The following ZNF423 variants were observed in gnomAD, a reference collection of about 807,000 sequenced individuals.
The protein encoded by ZNF423 is Ebf-associated zinc finger protein.
In ZNF423, 12 loss-of-function variants were observed where a neutral mutation model predicts 95.8. That is an observed-to-expected ratio of 0.13 (90% CI 0.08 to 0.20). The LOEUF (loss-of-function observed/expected upper bound fraction) is 0.20, where lower values mean the gene tolerates loss of function less well. Among genes scored for constraint, ZNF423 ranks in the 10% least tolerant of loss-of-function variants. The pLI, the probability that ZNF423 is intolerant of heterozygous loss-of-function variation, is 1.00. For synonymous variants in ZNF423, 749 were observed against 711.9 expected (o/e 1.05, Z -0.83); for missense variants, 1,316 against 1,737.1 (o/e 0.76, Z 4.31).
chr16:49,748,026 T>G (rs969405684), intron 2 of ZNF423, among the ~76,000 whole-genome samples: 1 of 152,220 alleles, frequency 6.6e-6, no homozygotes, highest in Non-Finnish European at 1.5e-5. Flanking sequence ...GAGGATCACT[T>G]TAGCCCAGGA....
At chr16:49,696,671 C>T (rs1015530651) in intron 3 of ZNF423, among the ~76,000 whole-genome samples, 7 of 151,914 alleles carry the variant, frequency 4.6e-5, no homozygotes, top group African/African-American at 1.7e-4. Flanking sequence ...ACCTCCCCCT[C>T]ATTGTGCAGC....
At chr16:49,502,755 C>T (rs1278623534) in intron 7 of ZNF423, among the ~76,000 whole-genome samples, 1 of 151,732 alleles carries the variant, frequency 6.6e-6, no homozygotes, top group Non-Finnish European at 1.5e-5. Flanking sequence ...TGTGCACACA[C>T]CACTCTATAT....
chr16:49,618,950 C>T (rs963465263), intron 5 of ZNF423, among the ~76,000 whole-genome samples: 1 of 152,172 alleles, frequency 6.6e-6, no homozygotes, highest in Non-Finnish European at 1.5e-5. Context: ...TACCTCATCC[C>T]CTTTGCTGTG....
chr16:49,761,334 G>T (rs973541682), intron 2 of ZNF423, among the ~76,000 whole-genome samples: 1 of 152,206 alleles, frequency 6.6e-6, no homozygotes, highest in African/African-American at 2.4e-5. Flanking sequence ...ACAGAGGAAA[G>T]CAAACCTGGC....
intron 5 of ZNF423, among the ~76,000 whole-genome samples, chr16:49,567,353 G>A (rs1026801544): frequency 1.3e-5 from 2 of 152,218 alleles, no homozygotes; most frequent in African/African-American, 4.8e-5. Context: ...ATACAAAGCT[G>A]CCACTGCGAT....
At chr16:49,802,047 C>T (rs1371162648) in intron 1 of ZNF423, among the ~76,000 whole-genome samples, 1 of 152,124 alleles carries the variant, frequency 6.6e-6, no homozygotes, top group Non-Finnish European at 1.5e-5. Context: ...ATGCGTCTCA[C>T]TGTGTGGCCA....
chr16:49,810,379 A>G (rs1309019404), intron 1 of ZNF423, among the ~76,000 whole-genome samples: 1 of 151,950 alleles, frequency 6.6e-6, no homozygotes, highest in Non-Finnish European at 1.5e-5. Flanking sequence ...CTCATTACCC[A>G]AAACACCCCT....
chr16:49,676,013 C>T (rs2031032292), intron 3 of ZNF423, among the ~76,000 whole-genome samples: 1 of 152,236 alleles, frequency 6.6e-6, no homozygotes, highest in Non-Finnish European at 1.5e-5. Flanking sequence ...CCCCACAGTG[C>T]CCCCTTCTCC....
chr16:49,550,749 G>T (rs1011506256), intron 5 of ZNF423, among the ~76,000 whole-genome samples: 1 of 152,252 alleles, frequency 6.6e-6, no homozygotes, highest in African/African-American at 2.4e-5. Flanking sequence ...TCCCCAAAGG[G>T]GCTCTCAACT....
chr16:49,511,770 GTGA>G (rs139940431), intron 7 of ZNF423, among the ~76,000 whole-genome samples: 1 of 152,070 alleles, frequency 6.6e-6, no homozygotes, highest in South Asian at 2.1e-4. Context: ...AATGACAACA[GTGA>G]TGATGATGAT....
intron 3 of ZNF423, among the ~76,000 whole-genome samples, chr16:49,683,767 ACT>A (rs2031459897): frequency 6.6e-6 from 1 of 152,106 alleles, no homozygotes; most frequent in South Asian, 2.1e-4. Flanking sequence ...ACACTGTGAG[ACT>A]CTGTCTCTAC....
At position 49,619,938 on chromosome 16, in the gene ZNF423, C is replaced by G. The variant is rs77220028; in HGVS notation, c.3601+6232G>C. Among the ~76,000 whole-genome samples, 1,197 of 152,272 alleles carry G rather than the reference C, an allele frequency of 7.9e-3. 21 individuals carry two copies. Among genetic ancestry groups the G allele is most frequent in the African/African-American group, 0.027 (1,120 of 41,542 alleles). On this transcript the variant is annotated intron_variant, in intron 5 of 7. Coordinates refer to ENST00000563137, the MANE Select transcript of ZNF423 (RefSeq NM_001379286.1). ...TCCACTCCAGACTGTCCTCCTTGGA[C>G]CAGAGACTCCTTCCCCTCCAAAATG...
chr16:49,695,491 C>T (rs2031934693), intron 3 of ZNF423, among the ~76,000 whole-genome samples: 1 of 152,222 alleles, frequency 6.6e-6, no homozygotes, highest in Admixed American at 6.5e-5. Flanking sequence ...TGGGGTTTCT[C>T]CATGTGGGTC....
At chr16:49,814,203 A>G (rs1289714993) in intron 1 of ZNF423, among the ~76,000 whole-genome samples, 3 of 150,988 alleles carry the variant, frequency 2.0e-5, no homozygotes, top group African/African-American at 7.2e-5. Context: ...GGGACTCCAG[A>G]CGGGGCCTGT....
intron 1 of ZNF423, among the ~76,000 whole-genome samples, chr16:49,827,437 A>C (rs1247411247): frequency 1.3e-5 from 2 of 152,188 alleles, no homozygotes; most frequent in Non-Finnish European, 2.9e-5. Context: ...TCACTGCAGC[A>C]GCAAGAACCC....
At position 49,694,936 on chromosome 16, in the gene ZNF423, ACT is replaced by A. The variant is rs1479673122; in HGVS notation, c.301+35833_301+35834del. The stretch of plus-strand genomic sequence containing the variant: ...CAAAATATGACCAAGCCTTACAAAT[ACT>A]TGTCCACCTAGTGAAGACGTGAGAG... On this transcript the variant is annotated intron_variant, in intron 3 of 7. Transcript: ENST00000563137. Among the ~76,000 whole-genome samples the A allele has an allele frequency of 1.1e-4, 17 of 152,290 alleles. No homozygotes were observed. The South Asian group carries it at 3.3e-3, about 30-fold the overall frequency.
upstream of ZNF423, among the ~76,000 whole-genome samples, chr16:49,858,224 G>A (rs2035392440): frequency 6.7e-6 from 1 of 149,426 alleles, no homozygotes; most frequent in Non-Finnish European, 1.5e-5. This position sits in a 1 kb window ranked among gnomAD's most constrained non-coding sequence, Gnocchi z 4.3. Context: ...CGAGAACAGC[G>A]CCGGGGCCGG....
At chr16:49,724,396 C>T (rs1369684690) in intron 3 of ZNF423, among the ~76,000 whole-genome samples, 1 of 146,886 alleles carries the variant, frequency 6.8e-6, no homozygotes, top group Non-Finnish European at 1.5e-5. Context: ...GTGAAGTCAA[C>T]TGACACCAAG....
chr16:49,794,239 T>G (rs1208373485), intron 1 of ZNF423, among the ~76,000 whole-genome samples: 13 of 150,368 alleles, frequency 8.6e-5, no homozygotes, highest in Non-Finnish European at 1.8e-4. Context: ...TGTTTTTGTT[T>G]TTTTTTTTTT....
Sources: gnomAD v4.1 joint callset for allele counts (sites outside exome capture counted in the v4.1 genomes callset) on GRCh38, gnomAD v4.1.1 for gene constraint, Gnocchi (gnomAD v3.1) non-coding constraint, MANE v1.5 for transcripts, NCBI Gene and HGNC (gene_info 2026-07-23, HGNC 2026-07-21) for gene names.